The following ATF7IP2 variants were observed in gnomAD, a reference collection of about 807,000 sequenced individuals.
ATF7IP2 encodes activating transcription factor 7-interacting protein 2.
In ATF7IP2, 42 loss-of-function variants were observed where a neutral mutation model predicts 64.2. The ratio of observed to expected loss-of-function variants is 0.65; its 90% confidence interval spans 0.51 to 0.85. The LOEUF (loss-of-function observed/expected upper bound fraction) is 0.85, where lower values mean the gene tolerates loss of function less well. ATF7IP2 is among the 40% of genes least tolerant of loss of function. The pLI, the probability that ATF7IP2 is intolerant of heterozygous loss-of-function variation, is 0.00. For synonymous variants in ATF7IP2, 308 were observed against 272.8 expected, an observed-to-expected ratio of 1.13 and a Z score of -1.27; for missense variants, 933 against 784.2, an observed-to-expected ratio of 1.19 and a Z score of -2.27.
intron 8 of ATF7IP2, among the ~76,000 whole-genome samples, chr16:10,441,278 G>C (rs144489541): frequency 0.09 from 13,732 of 152,156 alleles, 694 homozygotes; most frequent in African/African-American, 0.13. Flanking sequence ...TAATGGGATT[G>C]CTGGGTCATG....
At chr16:10,387,007 G>A (rs1206335172) in intron 1 of ATF7IP2, 3 of 152,142 alleles carry the variant, frequency 2.0e-5, no homozygotes, top group Admixed American at 6.6e-5. Flanking sequence ...ACTTGCATAT[G>A]GTTAATATGT....
In ATF7IP2 at chr16:10,438,112, G is replaced by T; in HGVS notation, c.972G>T (p.Leu324Phe). The change falls in exon 7 of 14, where the codon TTG (leucine) becomes TTT (phenylalanine). Residue 324 changes from leucine to phenylalanine, a missense_variant. Coordinates refer to ENST00000562102, the MANE Select transcript of ATF7IP2 (RefSeq NM_001393719.1). ...QTAFLEQVRH[L>F]IQQEIYSINY... The stretch of plus-strand genomic sequence containing the variant: ...TTTTAAAATTCTAGGTCAGACATTT[G>T]ATTCAGCAGGAGATCTATAGCATAA... 6.5e-7 allele frequency: 1 copy of T among 1,545,410 alleles called. No individual in the cohort carries two copies. The highest frequency in any genetic ancestry group is 1.3e-5 in the South Asian group (1 of 79,152).
intron 10 of ATF7IP2, among the ~76,000 whole-genome samples, chr16:10,472,882 C>G (rs891906221): frequency 6.6e-6 from 1 of 151,512 alleles, no homozygotes; most frequent in Admixed American, 6.6e-5. Context: ...AAATTTTAAC[C>G]TTACATTTCC....
In ATF7IP2 at chr16:10,440,510, A is replaced by G. The variant is rs762657519; in HGVS notation, c.1194+48A>G. ...TGTAATCATCTATTTGACTCATATAAGTGGTTTGATTAGAAGAAATGAATA... is the reference window on the plus strand; with the variant it reads ...TGTAATCATCTATTTGACTCATATAGGTGGTTTGATTAGAAGAAATGAATA... On this transcript the variant is annotated intron_variant, in intron 8 of 13. Transcript: ENST00000562102. 3.7e-6 allele frequency: 4 copies of G among 1,081,340 alleles called. No individual in the cohort carries two copies. In the South Asian group the frequency reaches 5.9e-5, roughly 16 times the overall value. The allele number at this position is 1,081,340 out of a possible 1,614,324, so 67.0% of individuals were successfully genotyped here.
At chr16:10,457,266 T>A in intron 8 of ATF7IP2, 106 bp from the exon 9 acceptor site, 1 of 908,444 alleles carries the variant, frequency 1.1e-6, no homozygotes, top group Non-Finnish European at 1.7e-6. Context: ...ATTTAACTTA[T>A]GTTTTGCCAT....
At chr16:10,428,059 A>T (rs567218427) in intron 3 of ATF7IP2, among the ~76,000 whole-genome samples, 1 of 152,370 alleles carries the variant, frequency 6.6e-6, no homozygotes, top group African/African-American at 2.4e-5. Flanking sequence ...AACAAAATTA[A>T]ACAGTATATT....
At chr16:10,420,225 C>T (rs2047964908) in intron 3 of ATF7IP2, among the ~76,000 whole-genome samples, 2 of 152,172 alleles carry the variant, frequency 1.3e-5, no homozygotes, top group South Asian at 4.1e-4. Flanking sequence ...ATGCCCATCA[C>T]CGCAAAATAC....
In ATF7IP2 at chr16:10,457,591, A is replaced by G. The variant is rs1252405211; in HGVS notation, c.1352+62A>G. 8.7e-6 allele frequency: 11 copies of G among 1,265,122 alleles called. 1 individual carries two copies. The Admixed American group carries it at 2.9e-4, about 33-fold the overall frequency. The allele number at this position is 1,265,122 out of a possible 1,614,324, so 78.4% of individuals were successfully genotyped here. On this transcript the variant is annotated intron_variant, in intron 9 of 13. Transcript: ENST00000562102. ...ATCTATAATAATGAATTTTTTCTTC[A>G]TCACAGTTTTGGATCTTTGTAATAT...
At chr16:10,440,572 A>T in intron 8 of ATF7IP2, 110 bp downstream of exon 8, 1 of 652,714 alleles carries the variant, frequency 1.5e-6, no homozygotes, top group Non-Finnish European at 2.6e-6. Context: ...AAAGGTAAGT[A>T]AGTTTTTACT....
In ATF7IP2 at chr16:10,400,015, T is replaced by C. The variant is rs116423041; in HGVS notation, c.-242+13893T>C. Among the ~76,000 whole-genome samples, 273 of 152,318 alleles carry C rather than the reference T, an allele frequency of 1.8e-3. 2 individuals are homozygous for C. Among genetic ancestry groups the C allele is most frequent in the African/African-American group, 6.3e-3 (264 of 41,582 alleles). On this transcript the variant is annotated intron_variant, in intron 1 of 13. Coordinates refer to ENST00000562102, the MANE Select transcript of ATF7IP2 (RefSeq NM_001393719.1). ...GATTGTTATTGGTGTATAGAAATGC[T>C]ACACATTTTAATTTGTTGATTATTT...
At chr16:10,405,559 C>G (rs894779530) in intron 1 of ATF7IP2, among the ~76,000 whole-genome samples, 2 of 152,152 alleles carry the variant, frequency 1.3e-5, no homozygotes, top group African/African-American at 4.8e-5. Context: ...AACCACCTGA[C>G]TACAGAAACA....
chr16:10,411,451 A>G (rs2047758308), intron 1 of ATF7IP2, among the ~76,000 whole-genome samples: 1 of 150,170 alleles, frequency 6.7e-6, no homozygotes, highest in Non-Finnish European at 1.5e-5. Context: ...GCTGAAGTGT[A>G]GTGGCACAGT....
intron 8 of ATF7IP2, among the ~76,000 whole-genome samples, chr16:10,451,670 C>G (rs1243379535): frequency 6.6e-6 from 1 of 151,966 alleles, no homozygotes; most frequent in Admixed American, 6.6e-5. Flanking sequence ...TCAGCTCCAT[C>G]AGGTCATTTA....
chr16:10,476,933 G>A (rs949729422), intron 12 of ATF7IP2, among the ~76,000 whole-genome samples: 1 of 151,998 alleles, frequency 6.6e-6, no homozygotes, highest in African/African-American at 2.4e-5. Context: ...CCATGTCTTT[G>A]CTGTTGTGAT....
intron 12 of ATF7IP2, among the ~76,000 whole-genome samples, chr16:10,476,995 A>G (rs938270724): frequency 6.6e-6 from 1 of 152,202 alleles, no homozygotes; most frequent in African/African-American, 2.4e-5. Flanking sequence ...AGAATGATTA[A>G]TATTCCTTTG....
chr16:10,431,469 T>G lies in ATF7IP2; in HGVS notation c.835+14T>G. 1 of 1,495,290 alleles carries G rather than the reference T, an allele frequency of 6.7e-7. No homozygotes were observed. Among genetic ancestry groups the G allele is most frequent in the African/African-American group, 1.4e-5 (1 of 71,100 alleles). The allele number at this position is 1,495,290 out of a possible 1,614,324, so 92.6% of individuals were successfully genotyped here. On this transcript the variant is annotated intron_variant, in intron 5 of 13. Transcript: ENST00000562102. ...CTAATAACAACAGTAAGTATATACT[T>G]ATGCACCTTTTAGAAAAATTAAAAT...
chr16:10,457,716 G>C (rs2049229687), intron 9 of ATF7IP2, 187 bp downstream of exon 9: 1 of 433,814 alleles, frequency 2.3e-6, no homozygotes, highest in African/African-American at 2.1e-5. Flanking sequence ...GGGTTTTCTG[G>C]TGTTTTTTGA....
chr16:10,418,842 G>T (rs2047930390), intron 2 of ATF7IP2, among the ~76,000 whole-genome samples: 1 of 152,098 alleles, frequency 6.6e-6, no homozygotes, highest in Non-Finnish European at 1.5e-5. Context: ...TGAGGTTGAG[G>T]TGCCACTATA....
chr16:10,468,549 T>C lies in ATF7IP2; in HGVS notation c.1353-3561T>C, dbSNP rs147583066. Among the ~76,000 whole-genome samples, 642 of 152,284 alleles carry C rather than the reference T, an allele frequency of 4.2e-3. 2 individuals carry two copies. Among genetic ancestry groups the C allele is most frequent in the African/African-American group, 0.015 (620 of 41,568 alleles). On this transcript the variant is annotated intron_variant, in intron 9 of 13. Coordinates refer to ENST00000562102, the MANE Select transcript of ATF7IP2 (RefSeq NM_001393719.1). ...GCATTTTCCAGGTCAAGAGCAGGGATGGAGGAGGGATTCCAAACAGAGCCT... is the reference window on the plus strand; with the variant it reads ...GCATTTTCCAGGTCAAGAGCAGGGACGGAGGAGGGATTCCAAACAGAGCCT...
Sources: gnomAD v4.1 joint callset for allele counts (sites outside exome capture counted in the v4.1 genomes callset) on GRCh38, gnomAD v4.1.1 for gene constraint, MANE v1.5 for transcripts, NCBI Gene and HGNC (gene_info 2026-07-23, HGNC 2026-07-21) for gene names.